UNC5D: variants seen among roughly 807,000 people sequenced by gnomAD.
UNC5D encodes netrin receptor UNC5D.
UNC5D carries 39 observed loss-of-function variants against 105.4 expected under a neutral mutation model. That is an observed-to-expected ratio of 0.37 (90% CI 0.29 to 0.48). UNC5D has a LOEUF of 0.48. UNC5D is among the 20% of genes least tolerant of loss of function. UNC5D has a pLI of 0.98. For missense variants in UNC5D, 991 were observed against 1,202.4 expected, an observed-to-expected ratio of 0.82 and a Z score of 2.60; for synonymous variants, 452 against 450.4, an observed-to-expected ratio of 1.00 and a Z score of -0.04.
intron 7 of UNC5D, among the ~76,000 whole-genome samples, chr8:35,687,678 C>G (rs766688895): frequency 6.6e-6 from 1 of 152,148 alleles, no homozygotes; most frequent in Non-Finnish European, 1.5e-5. Flanking sequence ...CAATTTGGTG[C>G]TCTTCCTTAT....
intron 1 of UNC5D, among the ~76,000 whole-genome samples, chr8:35,242,728 C>T (rs1408483431): frequency 6.6e-6 from 1 of 152,130 alleles, no homozygotes; most frequent in East Asian, 1.9e-4. Flanking sequence ...CCACCTCAGC[C>T]TCCCAAAGTG....
intron 1 of UNC5D, among the ~76,000 whole-genome samples, chr8:35,545,753 C>T (rs146036263): frequency 1.1e-4 from 17 of 152,226 alleles, no homozygotes; most frequent in African/African-American, 3.4e-4. Flanking sequence ...CCTCACCTTC[C>T]CACTGCCACT....
chr8:35,465,867 G>A (rs536267356), intron 1 of UNC5D, among the ~76,000 whole-genome samples: 1 of 152,252 alleles, frequency 6.6e-6, no homozygotes, highest in South Asian at 2.1e-4. Flanking sequence ...TATCGTAGAA[G>A]ACAATGCAGA....
chr8:35,375,102 G>A (rs1395590262), intron 1 of UNC5D, among the ~76,000 whole-genome samples: 1 of 152,140 alleles, frequency 6.6e-6, no homozygotes, highest in Non-Finnish European at 1.5e-5. Flanking sequence ...AAATTAGTGA[G>A]GTTGTTTTAC....
intron 16 of UNC5D, among the ~76,000 whole-genome samples, chr8:35,782,502 ATTTT>A (rs939339572): frequency 2.9e-5 from 4 of 138,226 alleles, no homozygotes; most frequent in Non-Finnish European, 4.7e-5. Context: ...CTACTCAAAA[ATTTT>A]TTTTTTTTTT....
intron 1 of UNC5D, among the ~76,000 whole-genome samples, chr8:35,512,534 T>A (rs1586017083): frequency 1.4e-5 from 1 of 73,542 alleles, no homozygotes; most frequent in Non-Finnish European, 2.3e-5. Flanking sequence ...TATTCAGATA[T>A]GTATGTATAT....
chr8:35,768,593 TG>T (rs1801875327), intron 15 of UNC5D, among the ~76,000 whole-genome samples: 1 of 152,212 alleles, frequency 6.6e-6, no homozygotes, highest in South Asian at 2.1e-4. Flanking sequence ...TAAAGGTTAT[TG>T]TTTGTAAAGG....
chr8:35,264,277 C>G (rs1275645882), intron 1 of UNC5D, among the ~76,000 whole-genome samples: 1 of 152,202 alleles, frequency 6.6e-6, no homozygotes, highest in Non-Finnish European at 1.5e-5. Context: ...AATTCTTCCA[C>G]AAGCTTTCAA....
At chr8:35,665,933 A>G (rs1824390539) in intron 4 of UNC5D, among the ~76,000 whole-genome samples, 1 of 151,168 alleles carries the variant, frequency 6.6e-6, no homozygotes, top group African/African-American at 2.5e-5. Context: ...AAAGAATCAA[A>G]TATTTAATTC....
chr8:35,502,039 T>C (rs541354863), intron 1 of UNC5D, among the ~76,000 whole-genome samples: 146 of 152,364 alleles, frequency 9.6e-4, no homozygotes, highest in Middle Eastern at 3.4e-3. Flanking sequence ...GGATGATGCA[T>C]TGTTTTCAGC....
At chr8:35,275,567 T>C (rs1342698305) in intron 1 of UNC5D, among the ~76,000 whole-genome samples, 1 of 152,248 alleles carries the variant, frequency 6.6e-6, no homozygotes, top group Non-Finnish European at 1.5e-5. Flanking sequence ...CATGAAGTTA[T>C]GCTTATTTTA....
chr8:35,367,144 A>C (rs975903279), intron 1 of UNC5D, among the ~76,000 whole-genome samples: 1 of 152,168 alleles, frequency 6.6e-6, no homozygotes, highest in African/African-American at 2.4e-5. Context: ...AGTAAAGAGC[A>C]TTTCCAACTT....
chr8:35,793,182 G>C lies in UNC5D; in HGVS notation c.*2619G>C. The C allele has an allele frequency of 2.2e-6, 1 of 455,986 alleles. No homozygotes were observed. Among genetic ancestry groups the C allele is most frequent in the Non-Finnish European group, 4.4e-6 (1 of 226,656 alleles). The allele number at this position is 455,986 out of a possible 1,614,324, so 28.2% of individuals were successfully genotyped here. A position where few individuals can be genotyped will look rare whatever the true frequency, so the allele number is the denominator to read the frequency against. Reference sequence around the variant, plus strand: ...TCTATAGAAATGTATGAAATTCTGTGGTCACTGCATGTCAGGATTGCACAG... The same window carrying C: ...TCTATAGAAATGTATGAAATTCTGTCGTCACTGCATGTCAGGATTGCACAG... On this transcript the variant is annotated 3_prime_UTR_variant, in exon 17 of 17. Transcript: ENST00000404895.
Position 35,352,095 on chromosome 8 carries a change from G to A in UNC5D, c.103+116208G>A, listed in dbSNP as rs1009256598. Among the ~76,000 whole-genome samples, 3 of 151,856 alleles carry A rather than the reference G, an allele frequency of 2.0e-5. No individual in the cohort carries two copies. In the South Asian group the frequency reaches 6.2e-4, roughly 32 times the overall value. The stretch of plus-strand genomic sequence containing the variant: ...CATTTAAGTGTTTTTTGGTATTTAC[G>A]AAAATTAAATCAACCTGATATTCCA... On this transcript the variant is annotated intron_variant, in intron 1 of 16. Coordinates refer to ENST00000404895, the MANE Select transcript of UNC5D (RefSeq NM_080872.4).
intron 14 of UNC5D, among the ~76,000 whole-genome samples, chr8:35,763,582 C>G (rs1429886595): frequency 6.6e-6 from 1 of 151,812 alleles, no homozygotes; most frequent in Non-Finnish European, 1.5e-5. Context: ...TTGCATTACA[C>G]TATAATAACT....
chr8:35,748,154 G>A lies in UNC5D; in HGVS notation c.1767-373G>A, dbSNP rs573962610. On this transcript the variant is annotated intron_variant, in intron 11 of 16. Coordinates refer to ENST00000404895, the MANE Select transcript of UNC5D (RefSeq NM_080872.4). ...TGATGGTAATGAGATGACCAGACCA[G>A]TCATTTCTATAAAGTTTTTGTTTGC... Among the ~76,000 whole-genome samples the A allele has an allele frequency of 1.1e-4, 16 of 152,300 alleles. No homozygotes were observed. In the South Asian group the frequency reaches 3.1e-3, roughly 30 times the overall value.
intron 2 of UNC5D, among the ~76,000 whole-genome samples, chr8:35,555,833 A>C: frequency 7.5e-6 from 1 of 133,748 alleles, no homozygotes; most frequent in African/African-American, 3.4e-5. Context: ...TCAAAAAAAT[A>C]CAAAAAAAAA....
chr8:35,565,810 T>A (rs748805481), intron 2 of UNC5D, among the ~76,000 whole-genome samples: 7 of 152,188 alleles, frequency 4.6e-5, no homozygotes, highest in Non-Finnish European at 1.0e-4. Flanking sequence ...CAGCACCATT[T>A]ATTGAATTAG....
At position 35,603,630 on chromosome 8, in the gene UNC5D, G is replaced by A. The variant is rs531936408; in HGVS notation, c.570+7973G>A. Among the ~76,000 whole-genome samples, 493 of 152,228 alleles carry A rather than the reference G, an allele frequency of 3.2e-3. 6 individuals carry two copies. The highest frequency in any genetic ancestry group is 6.1e-3 in the Non-Finnish European group (418 of 68,026). On this transcript the variant is annotated intron_variant, in intron 4 of 16. Transcript: ENST00000404895. ...TTTCTGTCTCGTTGATCTGTCTAATGTTGACAGTGGGGTGTTAAAGTCTCC... is the reference window on the plus strand; with the variant it reads ...TTTCTGTCTCGTTGATCTGTCTAATATTGACAGTGGGGTGTTAAAGTCTCC...
Sources: allele counts gnomAD v4.1 joint callset (sites outside exome capture counted in the v4.1 genomes callset), GRCh38; gene constraint gnomAD v4.1.1; transcripts MANE v1.5; gene names NCBI Gene and HGNC (gene_info 2026-07-23, HGNC 2026-07-21).